NCOA2: variants seen among roughly 807,000 people sequenced by gnomAD.
NCOA2 encodes nuclear receptor coactivator 2.
NCOA2 carries 21 observed loss-of-function variants against 145.1 expected under a neutral mutation model. That is an observed-to-expected ratio of 0.14 (90% CI 0.10 to 0.21). The LOEUF is 0.21. NCOA2 is among the 10% of genes least tolerant of loss of function. The probability of loss-of-function intolerance (pLI) is 1.00; values close to 1 mark genes in which losing one functional copy is unlikely to be tolerated. For missense variants in NCOA2, 1,472 were observed against 1,837.6 expected (o/e 0.80, Z 3.64); for synonymous variants, 619 against 637.5 (o/e 0.97, Z 0.44).
the NCOA2 span, among the ~76,000 whole-genome samples, chr8:70,435,493 T>C: frequency 7.2e-6 from 1 of 138,678 alleles, no homozygotes; most frequent in Non-Finnish European, 1.5e-5. Flanking sequence ...CCAACTGAGG[T>C]CCTAGCTCTA....
chr8:70,188,330 A>G (rs1816306471), intron 4 of NCOA2, among the ~76,000 whole-genome samples: 1 of 152,206 alleles, frequency 6.6e-6, no homozygotes, highest in Non-Finnish European at 1.5e-5. Context: ...GCCAAGGAAA[A>G]TATTTGGCTG....
chr8:70,186,505 C>T (rs1355809088), intron 4 of NCOA2, among the ~76,000 whole-genome samples: 1 of 152,202 alleles, frequency 6.6e-6, no homozygotes, highest in Non-Finnish European at 1.5e-5. Flanking sequence ...ATGAAGTATT[C>T]ATCTTCTGCA....
intron 2 of NCOA2, among the ~76,000 whole-genome samples, chr8:70,254,694 G>A (rs746506894): frequency 2.6e-5 from 4 of 151,804 alleles, no homozygotes; most frequent in South Asian, 2.1e-4. Context: ...AGGGGCGGGC[G>A]GGGGTGGGGG....
intron 1 of NCOA2, among the ~76,000 whole-genome samples, chr8:70,396,528 C>T (rs1356225134): frequency 1.3e-5 from 2 of 152,108 alleles, no homozygotes; most frequent in African/African-American, 4.8e-5. Flanking sequence ...TCATCTTTGC[C>T]CTGCACTTGG....
the NCOA2 span, among the ~76,000 whole-genome samples, chr8:70,453,287 A>G: frequency 3.9e-5 from 6 of 152,292 alleles, no homozygotes; most frequent in East Asian, 9.6e-4. Context: ...AATGCGCCCA[A>G]TGTCAGAGTC....
intron 1 of NCOA2, among the ~76,000 whole-genome samples, chr8:70,331,984 A>T (rs1040655662): frequency 1.3e-5 from 2 of 152,156 alleles, no homozygotes; most frequent in Non-Finnish European, 1.5e-5. Context: ...TTTTATATTC[A>T]TGTTACATGC....
Position 70,132,979 on chromosome 8 carries a change from T to C in NCOA2, c.3159-977A>G, listed in dbSNP as rs1809319836. ...TTATATTTGTTATTATATAAGATAA[T>C]TGGTGATGAAATCAGAACACTAAAC... On this transcript the variant is annotated intron_variant, in intron 15 of 22. Coordinates refer to ENST00000452400, the MANE Select transcript of NCOA2 (RefSeq NM_006540.4). Among the ~76,000 whole-genome samples, 5 of 152,300 alleles carry C rather than the reference T, an allele frequency of 3.3e-5. No individual in the cohort carries two copies. The South Asian group carries it at 8.3e-4, about 25-fold the overall frequency.
At chr8:70,450,035 T>C in the NCOA2 span, among the ~76,000 whole-genome samples, 2 of 152,192 alleles carry the variant, frequency 1.3e-5, no homozygotes, top group Non-Finnish European at 2.9e-5. Context: ...CCTTTCTCCT[T>C]GCTCTAATGG....
At chr8:70,273,020 T>A (rs747087989) in intron 2 of NCOA2, among the ~76,000 whole-genome samples, 1 of 152,212 alleles carries the variant, frequency 6.6e-6, no homozygotes, top group Non-Finnish European at 1.5e-5. Context: ...AATAACTTTA[T>A]CTTTGATATT....
At chr8:70,439,106 G>A in the NCOA2 span, among the ~76,000 whole-genome samples, 9 of 152,188 alleles carry the variant, frequency 5.9e-5, no homozygotes, top group Non-Finnish European at 1.2e-4. Context: ...TCTGATGACA[G>A]GGACTAATTC....
At chr8:70,298,576 T>G (rs962553734) in intron 1 of NCOA2, among the ~76,000 whole-genome samples, 1 of 152,218 alleles carries the variant, frequency 6.6e-6, no homozygotes, top group African/African-American at 2.4e-5. Context: ...GCTGGCCTAC[T>G]TAAGCCCGTT....
intron 4 of NCOA2, among the ~76,000 whole-genome samples, chr8:70,203,261 C>A (rs367680419): frequency 1.9e-3 from 232 of 121,888 alleles, no homozygotes; most frequent in Non-Finnish European, 2.3e-3. Flanking sequence ...GACTCTGTCT[C>A]AAAAAAAAAA....
chr8:70,382,984 A>AAT, intron 1 of NCOA2, among the ~76,000 whole-genome samples: 1 of 152,204 alleles, frequency 6.6e-6, no homozygotes, highest in East Asian at 1.9e-4. Flanking sequence ...CTTACTAATA[A>AAT]ATGTTCCTAT....
At position 70,131,978 on chromosome 8, in the gene NCOA2, A is replaced by C. The variant is rs1250919720; in HGVS notation, c.3183T>G (p.Asp1061Glu). ...QNRQPFGSSPDDLLCPHPAAE... is the reference protein window; with the variant it reads ...QNRQPFGSSPEDLLCPHPAAE... ...CTGCAGGATGTGGACATAGCAAGTC[A>C]TCTGGAGAACTGCCAAATGGCTGCC... is the stretch of plus-strand genomic sequence containing the variant. Residue 1061 changes from aspartate (D) to glutamate (E), a missense_variant, in exon 16 of 23, where the codon GAT becomes GAG. Around this residue, in one of 4 missense-constraint regions of NCOA2, gnomAD observed 953 missense variants for 1,062.1 expected, o/e 0.90. Transcript: ENST00000452400. 9 of 1,612,652 alleles carry C rather than the reference A, an allele frequency of 5.6e-6. No homozygotes were observed. Among genetic ancestry groups the C allele is most frequent in the Non-Finnish European group, 7.6e-6 (9 of 1,179,426 alleles).
intron 4 of NCOA2, among the ~76,000 whole-genome samples, chr8:70,206,617 G>A (rs1818470187): frequency 1.3e-5 from 2 of 152,172 alleles, no homozygotes; most frequent in South Asian, 4.1e-4. Context: ...AGCCAGCTCT[G>A]CTGAAGATGG....
intron 4 of NCOA2, among the ~76,000 whole-genome samples, chr8:70,192,399 G>A (rs1816790087): frequency 6.6e-6 from 1 of 152,232 alleles, no homozygotes; most frequent in African/African-American, 2.4e-5. Context: ...TAAAGTAAAG[G>A]AAGGAACTTT....
At chr8:70,304,187 C>A (rs1827707489) in intron 1 of NCOA2, among the ~76,000 whole-genome samples, 1 of 152,192 alleles carries the variant, frequency 6.6e-6, no homozygotes, top group Admixed American at 6.5e-5. Context: ...GTCAATGACA[C>A]ACTGCATATC....
intron 1 of NCOA2, among the ~76,000 whole-genome samples, chr8:70,400,123 A>G (rs1284753932): frequency 1.3e-5 from 2 of 152,230 alleles, no homozygotes; most frequent in Non-Finnish European, 2.9e-5. Context: ...TTCTAACACT[A>G]AGCCACTCAT....
chr8:70,453,961 A>G, the NCOA2 span, among the ~76,000 whole-genome samples: 1 of 152,228 alleles, frequency 6.6e-6, no homozygotes, highest in Non-Finnish European at 1.5e-5. Flanking sequence ...GATCCTTGTG[A>G]GATGAAAAAG....
Sources: allele counts gnomAD v4.1 joint callset (sites outside exome capture counted in the v4.1 genomes callset), GRCh38; gene constraint gnomAD v4.1.1; regional missense constraint gnomAD v4.1.1; transcripts MANE v1.5; gene names NCBI Gene and HGNC (gene_info 2026-07-23, HGNC 2026-07-21).